Variants in FAM184A observed in about 807,000 individuals in gnomAD.
FAM184A encodes protein FAM184A.
A neutral mutation model predicts 143.8 loss-of-function variants in FAM184A; 99 were observed. The ratio of observed to expected loss-of-function variants is 0.69; its 90% CI spans 0.58 to 0.81. The LOEUF is 0.81. FAM184A is among the 40% of genes least tolerant of loss of function. The probability of loss-of-function intolerance (pLI) is 0.00; values close to 1 mark genes in which losing one functional copy is unlikely to be tolerated. For missense variants in FAM184A, 1,217 were observed against 1,310.5 expected, an observed-to-expected ratio of 0.93 and a Z score of 1.10; for synonymous variants, 427 against 446.4, an observed-to-expected ratio of 0.96 and a Z score of 0.55.
At chr6:118,982,677 G>A (rs778771953) in intron 9 of FAM184A, among the ~76,000 whole-genome samples, 4 of 152,104 alleles carry the variant, frequency 2.6e-5, no homozygotes, top group African/African-American at 9.7e-5. Context: ...AGCTCACAGT[G>A]GTGTTTCTTA....
chr6:119,086,906 G>C (rs911941197), intron 1 of FAM184A, among the ~76,000 whole-genome samples: 2 of 152,124 alleles, frequency 1.3e-5, no homozygotes, highest in Non-Finnish European at 2.9e-5. Flanking sequence ...AGTGAGAGTA[G>C]GAACAAAAAA....
chr6:118,967,772 T>G (rs1049447903), intron 14 of FAM184A, among the ~76,000 whole-genome samples: 27 of 152,308 alleles, frequency 1.8e-4, no homozygotes, highest in Admixed American at 5.2e-4. Flanking sequence ...ATTTTAAAAA[T>G]CTTGTTTTCA....
chr6:119,029,624 C>A (rs1785796771), intron 1 of FAM184A, among the ~76,000 whole-genome samples: 1 of 151,836 alleles, frequency 6.6e-6, no homozygotes, highest in Non-Finnish European at 1.5e-5. Flanking sequence ...CGGTAGCAAT[C>A]AAAAAGGTGA....
rs537092820 is a variant in FAM184A at position 118,973,397 on chromosome 6, C to T, written c.2915+1031G>A. On this transcript the variant is annotated intron_variant, in intron 14 of 17. Transcript: ENST00000338891. Reference sequence around the variant, plus strand: ...CAACAACACAGGAGGTTATTCTAGACTGTAGAGGACAACACAGGAAACCAA... The same window carrying T: ...CAACAACACAGGAGGTTATTCTAGATTGTAGAGGACAACACAGGAAACCAA... Among the ~76,000 whole-genome samples the T allele has an allele frequency of 2.0e-4, 30 of 152,228 alleles. No homozygotes were observed. In the East Asian group the frequency reaches 4.8e-3, roughly 24 times the overall value.
intron 1 of FAM184A, among the ~76,000 whole-genome samples, chr6:119,086,529 G>A (rs1036154749): frequency 9.2e-5 from 14 of 152,136 alleles, no homozygotes; most frequent in Admixed American, 5.9e-4. Flanking sequence ...CTCTAAGGAC[G>A]GTAAGGGCAA....
intron 1 of FAM184A, among the ~76,000 whole-genome samples, chr6:119,026,021 C>T (rs1386746837): frequency 6.6e-6 from 1 of 152,144 alleles, no homozygotes; most frequent in Non-Finnish European, 1.5e-5. Context: ...TCTGGGACAG[C>T]AGTTGTGCTT....
chr6:119,055,697 T>C (rs567931824), intron 1 of FAM184A, among the ~76,000 whole-genome samples: 1 of 152,218 alleles, frequency 6.6e-6, no homozygotes, highest in South Asian at 2.1e-4. Context: ...ATATCTCTGG[T>C]GTAAAATCTC....
At chr6:119,007,316 A>C (rs1784952650) in intron 6 of FAM184A, among the ~76,000 whole-genome samples, 1 of 152,214 alleles carries the variant, frequency 6.6e-6, no homozygotes, top group Admixed American at 6.5e-5. Context: ...ACAAAAGTTG[A>C]AATTGGTAAT....
intron 1 of FAM184A, among the ~76,000 whole-genome samples, chr6:119,115,675 G>C (rs1046765172): frequency 1.3e-5 from 2 of 151,964 alleles, no homozygotes; most frequent in African/African-American, 4.8e-5. Context: ...AGAGAGCAGG[G>C]TATATGGCAG....
upstream of FAM184A, among the ~76,000 whole-genome samples, chr6:119,079,910 C>A (rs1484492215): frequency 6.6e-6 from 1 of 152,152 alleles, no homozygotes; most frequent in Non-Finnish European, 1.5e-5. Flanking sequence ...CTTAAATAGA[C>A]CTTCCAGGAA....
At chr6:119,136,790 A>G (rs1368902660) in intron 1 of FAM184A, among the ~76,000 whole-genome samples, 1 of 152,230 alleles carries the variant, frequency 6.6e-6, no homozygotes, top group Non-Finnish European at 1.5e-5. Context: ...GGTTTGGGCC[A>G]CATGCCCGTT....
At position 119,132,110 on chromosome 6, in the gene FAM184A, C is replaced by T. The variant is rs371786642; in HGVS notation, c.-202+16968G>A. Among the ~76,000 whole-genome samples the T allele has an allele frequency of 2.6e-5, 4 of 152,156 alleles. No individual in the cohort carries two copies. The South Asian group carries it at 8.3e-4, about 32-fold the overall frequency. On this transcript the variant is annotated intron_variant, in intron 1 of 16. Coordinates refer to the FAM184A transcript ENST00000352896. ...TAAGAGTAAAATTTTAAAAACTTTGCTCCCCCATAAAACATTCCTTCATTT... is the reference window on the plus strand; with the variant it reads ...TAAGAGTAAAATTTTAAAAACTTTGTTCCCCCATAAAACATTCCTTCATTT...
chr6:119,089,788 C>T (rs1219259683), intron 1 of FAM184A, among the ~76,000 whole-genome samples: 1 of 152,126 alleles, frequency 6.6e-6, no homozygotes, highest in Non-Finnish European at 1.5e-5. Flanking sequence ...TATTGGTAAA[C>T]ATCGTTATAA....
At chr6:119,077,464 G>GA (rs1053717149) in intron 1 of FAM184A, among the ~76,000 whole-genome samples, 2 of 152,082 alleles carry the variant, frequency 1.3e-5, no homozygotes, top group African/African-American at 2.4e-5. Flanking sequence ...CATTAAATTA[G>GA]AAAAAAAGTT....
At chr6:119,068,858 G>T (rs934262171) in intron 1 of FAM184A, among the ~76,000 whole-genome samples, 1 of 152,142 alleles carries the variant, frequency 6.6e-6, no homozygotes, top group Admixed American at 6.5e-5. Context: ...TATCAGTATA[G>T]TTTCTTTATC....
intron 1 of FAM184A, among the ~76,000 whole-genome samples, chr6:119,028,598 T>G (rs1785754219): frequency 1.3e-5 from 2 of 152,158 alleles, no homozygotes; most frequent in African/African-American, 4.8e-5. Flanking sequence ...GAGGGTGGCA[T>G]GCCTGGAAAA....
chr6:119,078,558 C>T lies in FAM184A; in HGVS notation c.-259G>A, dbSNP rs1582595412. On this transcript the variant is annotated 5_prime_UTR_variant, in exon 1 of 18. Transcript: ENST00000338891. This position sits in a 1 kb window ranked among gnomAD's most constrained non-coding sequence, Gnocchi z 5.5. Reference sequence around the variant, plus strand: ...GGGGTTGGGCGGCGGCGGCCGGGGGCCGGGCCAGCTCTTGGAGGCTCCTCG... The same window carrying T: ...GGGGTTGGGCGGCGGCGGCCGGGGGTCGGGCCAGCTCTTGGAGGCTCCTCG... 1 of 290,896 alleles carries T rather than the reference C, an allele frequency of 3.4e-6. No individual in the cohort carries two copies. Among genetic ancestry groups the T allele is most frequent in the East Asian group, 5.7e-5 (1 of 17,530 alleles). 18.0% of individuals were successfully genotyped at this position (290,896 alleles called of 1,614,324 possible). A position where few individuals can be genotyped will look rare whatever the true frequency, so the allele number is the denominator to read the frequency against.
chr6:119,008,705 T>C (rs1451936458), intron 6 of FAM184A, among the ~76,000 whole-genome samples: 2 of 152,194 alleles, frequency 1.3e-5, no homozygotes, highest in Non-Finnish European at 2.9e-5. Context: ...ACCTCCTCCC[T>C]GAAATATCCG....
intron 1 of FAM184A, among the ~76,000 whole-genome samples, chr6:119,104,907 T>A (rs538198749): frequency 6.6e-6 from 1 of 152,264 alleles, no homozygotes; most frequent in South Asian, 2.1e-4. Flanking sequence ...AAAATAGCAG[T>A]TGATTTCTGT....
Sources: gnomAD v4.1 joint callset for allele counts (sites outside exome capture counted in the v4.1 genomes callset) on GRCh38, gnomAD v4.1.1 for gene constraint, Gnocchi (gnomAD v3.1) non-coding constraint, MANE v1.5 for transcripts, NCBI Gene and HGNC (gene_info 2026-07-23, HGNC 2026-07-21) for gene names.